Variants in DCC observed in about 807,000 individuals in gnomAD.
The protein encoded by DCC is DCC netrin 1 receptor.
In DCC, 58 loss-of-function variants were observed where a neutral mutation model predicts 172.5. The observed-to-expected ratio is 0.34, with a 90% CI of 0.27 to 0.42. The LOEUF is 0.42. Among genes scored for constraint, DCC ranks in the 10% least tolerant of loss-of-function variants. The pLI is 1.00. For missense variants in DCC, 1,740 were observed against 1,791.0 expected, an observed-to-expected ratio of 0.97 and a Z score of 0.51; for synonymous variants, 709 against 644.5, an observed-to-expected ratio of 1.10 and a Z score of -1.52.
chr18:53,073,697 T>C (rs776912129), intron 7 of DCC, among the ~76,000 whole-genome samples: 8 of 151,926 alleles, frequency 5.3e-5, no homozygotes, highest in Non-Finnish European at 1.2e-4. Context: ...CTGGAAAAGG[T>C]TACTGATTAC....
chr18:52,902,416 C>T (rs966048343), intron 2 of DCC, among the ~76,000 whole-genome samples: 3 of 152,178 alleles, frequency 2.0e-5, no homozygotes, highest in African/African-American at 7.2e-5. Flanking sequence ...TCAGATGTGG[C>T]CTAATGAGTC....
chr18:52,365,578 T>C (rs1984812549), intron 1 of DCC, among the ~76,000 whole-genome samples: 1 of 152,028 alleles, frequency 6.6e-6, no homozygotes, highest in African/African-American at 2.4e-5. Context: ...AAGGAAAGAT[T>C]ACTGAGCAAA....
chr18:53,340,591 A>G (rs980424595), intron 15 of DCC, among the ~76,000 whole-genome samples: 1 of 152,102 alleles, frequency 6.6e-6, no homozygotes, highest in Non-Finnish European at 1.5e-5. Flanking sequence ...TTCATTGAAA[A>G]CGTGTTCATT....
intron 1 of DCC, among the ~76,000 whole-genome samples, chr18:52,574,681 A>G (rs1346813410): frequency 6.6e-6 from 1 of 152,198 alleles, no homozygotes; most frequent in Admixed American, 6.5e-5. Context: ...GTTTTAGGCC[A>G]TGAAAGTAAA....
intron 1 of DCC, among the ~76,000 whole-genome samples, chr18:52,717,572 C>T (rs1264295051): frequency 6.6e-6 from 1 of 151,494 alleles, no homozygotes; most frequent in Non-Finnish European, 1.5e-5. Flanking sequence ...AAGCAGTGAA[C>T]AGTCATCCAG....
intron 15 of DCC, among the ~76,000 whole-genome samples, 175 bp downstream of exon 15, chr18:53,340,082 A>G (rs2057640195): frequency 1.3e-5 from 2 of 151,928 alleles, no homozygotes; most frequent in African/African-American, 4.8e-5. Context: ...ACACATACAC[A>G]CACACACAGG....
At chr18:52,966,351 C>T (rs2040930081) in intron 5 of DCC, among the ~76,000 whole-genome samples, 1 of 152,140 alleles carries the variant, frequency 6.6e-6, no homozygotes, top group Admixed American at 6.6e-5. Context: ...AATTTTTGTA[C>T]TGTTTTTGAA....
intron 7 of DCC, among the ~76,000 whole-genome samples, chr18:53,156,884 G>A (rs903979810): frequency 6.6e-6 from 1 of 152,030 alleles, no homozygotes; most frequent in South Asian, 2.1e-4. Context: ...AACAATTCAG[G>A]GAAATATTAA....
chr18:53,246,048 G>A (rs548977866), intron 12 of DCC, among the ~76,000 whole-genome samples: 3 of 151,868 alleles, frequency 2.0e-5, no homozygotes, highest in African/African-American at 4.8e-5. Flanking sequence ...GCACACTTAC[G>A]GTATTGAATA....
chr18:52,941,502 G>GTGTA (rs151312837), intron 5 of DCC, among the ~76,000 whole-genome samples: 60,017 of 148,588 alleles, frequency 0.4, 12,354 homozygotes, highest in Non-Finnish European at 0.48. Context: ...GTGTGTGTGT[G>GTGTA]TATATATATA....
intron 9 of DCC, among the ~76,000 whole-genome samples, chr18:53,186,467 A>T (rs2144500371): frequency 6.6e-6 from 1 of 152,228 alleles, no homozygotes; most frequent in African/African-American, 2.4e-5. Flanking sequence ...ATGAAACTCT[A>T]CTCCAAGGAC....
At chr18:53,154,359 C>G (rs1054393254) in intron 7 of DCC, among the ~76,000 whole-genome samples, 3 of 152,154 alleles carry the variant, frequency 2.0e-5, no homozygotes, top group African/African-American at 7.2e-5. Context: ...CAAAAGTCCT[C>G]TTCTGAAGCC....
At chr18:53,510,828 C>T (rs1248770741) in intron 27 of DCC, among the ~76,000 whole-genome samples, 12 of 152,178 alleles carry the variant, frequency 7.9e-5, no homozygotes, top group African/African-American at 2.7e-4. Context: ...CCCCCTGCCA[C>T]CATCCCACAC....
chr18:52,358,734 A>G (rs1053935441), intron 1 of DCC, among the ~76,000 whole-genome samples: 3 of 152,338 alleles, frequency 2.0e-5, no homozygotes, highest in Admixed American at 1.3e-4. Context: ...GAGCTATGTC[A>G]TAAACCAGTT....
intron 20 of DCC, among the ~76,000 whole-genome samples, chr18:53,415,167 G>A (rs1356757270): frequency 6.6e-6 from 1 of 152,154 alleles, no homozygotes; most frequent in Non-Finnish European, 1.5e-5. Context: ...TGATTGATTT[G>A]CTATAATAGC....
At chr18:53,328,227 T>C (rs1319694569) in intron 14 of DCC, among the ~76,000 whole-genome samples, 4 of 152,196 alleles carry the variant, frequency 2.6e-5, no homozygotes, top group Admixed American at 6.5e-5. Context: ...CCATGGAATG[T>C]CTGATCCTTC....
chr18:52,521,384 T>A (rs1405537384), intron 1 of DCC, among the ~76,000 whole-genome samples: 1 of 152,172 alleles, frequency 6.6e-6, no homozygotes, highest in African/African-American at 2.4e-5. Context: ...ATGGACTGTT[T>A]GCTTTAAACG....
intron 15 of DCC, among the ~76,000 whole-genome samples, chr18:53,344,738 C>T (rs1456983189): frequency 6.6e-6 from 1 of 151,458 alleles, no homozygotes; most frequent in African/African-American, 2.4e-5. Flanking sequence ...CACACCCAGC[C>T]TAAATTTGAG....
intron 1 of DCC, among the ~76,000 whole-genome samples, chr18:52,462,709 C>T (rs982622315): frequency 9.9e-5 from 15 of 152,046 alleles, no homozygotes; most frequent in Admixed American, 8.5e-4. Flanking sequence ...TTATTATTAC[C>T]CCTTGCCTAC....
Sources: gnomAD v4.1 joint callset for allele counts (sites outside exome capture counted in the v4.1 genomes callset) on GRCh38, gnomAD v4.1.1 for gene constraint, MANE v1.5 for transcripts, NCBI Gene and HGNC (gene_info 2026-07-23, HGNC 2026-07-21) for gene names.